The following MTHFD1L variants were observed in gnomAD, a reference collection of about 807,000 sequenced individuals.
MTHFD1L encodes the protein methylenetetrahydrofolate dehydrogenase (NADP+ dependent) 1 like, also known as monofunctional C1-tetrahydrofolate synthase, mitochondrial.
MTHFD1L carries 81 observed loss-of-function variants against 119.5 expected under a neutral mutation model. The ratio of observed to expected loss-of-function variants is 0.68; its 90% CI spans 0.57 to 0.82. The LOEUF (loss-of-function observed/expected upper bound fraction) is 0.82, where lower values mean the gene tolerates loss of function less well. Ranked by LOEUF, MTHFD1L falls within the 40% of genes least tolerant of loss-of-function variation. MTHFD1L has a pLI of 0.00. For missense variants in MTHFD1L, 1,125 were observed against 1,253.4 expected (o/e 0.90, Z 1.55); for synonymous variants, 430 against 475.2 (o/e 0.90, Z 1.24).
At chr6:150,870,091 A>G (rs749442271) in intron 1 of MTHFD1L, among the ~76,000 whole-genome samples, 10 of 152,228 alleles carry the variant, frequency 6.6e-5, no homozygotes, top group Non-Finnish European at 1.5e-4. Flanking sequence ...ATTCTGTATA[A>G]TAGTCACAGT....
Position 150,866,039 on chromosome 6 carries a change from T to C in MTHFD1L, c.217T>C (p.Ser73Pro), listed in dbSNP as rs1449129324. ...CGGCCGAACGCCCGCGGCGCGGGAC[T>C]CCATCGTCAGGTGAGTGTCGGGTCT... Reference protein sequence around the residue: ...PGGRTPAARDSIVREVIQNSK... With the variant: ...PGGRTPAARDPIVREVIQNSK... Residue 73 changes from serine to proline, a missense_variant, in exon 1 of 28, where the codon TCC becomes CCC. This residue lies in a region of MTHFD1L where 1,058 missense variants were observed against 1,151.2 expected (regional missense o/e 0.92). Transcript: ENST00000367321. The C allele has an allele frequency of 6.9e-7, 1 of 1,455,646 alleles. No homozygotes were observed. The highest frequency in any genetic ancestry group is 9.0e-7 in the Non-Finnish European group (1 of 1,111,152). 90.2% of individuals were successfully genotyped at this position (1,455,646 alleles called of 1,614,324 possible).
chr6:151,006,230 C>T (rs897644277), intron 20 of MTHFD1L, among the ~76,000 whole-genome samples: 3 of 152,152 alleles, frequency 2.0e-5, no homozygotes, highest in Admixed American at 1.3e-4. Context: ...CCAACTTTGC[C>T]CGAAAGCATC....
intron 26 of MTHFD1L, among the ~76,000 whole-genome samples, chr6:151,071,931 C>T (rs759411686): frequency 4.0e-5 from 6 of 150,360 alleles, no homozygotes; most frequent in Non-Finnish European, 8.8e-5. Context: ...CAACCTCTGC[C>T]TCCTGGGTTC....
At chr6:150,965,623 C>T (rs1032651689) in intron 19 of MTHFD1L, among the ~76,000 whole-genome samples, 8 of 150,710 alleles carry the variant, frequency 5.3e-5, no homozygotes, top group Admixed American at 2.0e-4. Context: ...ATCGCACCAC[C>T]GCACTCCAGC....
Position 150,936,845 on chromosome 6 carries a change from C to T in MTHFD1L, c.1298C>T (p.Thr433Ile), listed in dbSNP as rs1792154875. Reference protein sequence around the residue: ...TPLGEGKSTVTIGLVQALTAH... With the variant: ...TPLGEGKSTVIIGLVQALTAH... ...CTTGGAGAAGGGAAGAGCACAGTCA[C>T]CATCGGGCTTGTGCAGGCTCTGACC... The change falls in exon 12 of 28, where the codon ACC becomes ATC. Residue 433 changes from threonine (T) to isoleucine (I), a missense_variant. Physicochemically the swap from Thr to Ile is moderately conservative, Grantham distance 89. This residue lies in a region of MTHFD1L where 1,058 missense variants were observed against 1,151.2 expected (regional missense o/e 0.92). Coordinates refer to ENST00000367321, the MANE Select transcript of MTHFD1L (RefSeq NM_015440.5). 6.2e-7 allele frequency: 1 copy of T among 1,613,992 alleles called. No homozygotes were observed. The highest frequency in any genetic ancestry group is 1.1e-5 in the South Asian group (1 of 91,076).
chr6:150,999,936 C>T (rs1780370463), intron 20 of MTHFD1L, among the ~76,000 whole-genome samples: 1 of 152,198 alleles, frequency 6.6e-6, no homozygotes, highest in Non-Finnish European at 1.5e-5. Flanking sequence ...CAAATACGTC[C>T]CCAGTAACTT....
At chr6:150,934,808 G>A (rs547347456) in intron 11 of MTHFD1L, among the ~76,000 whole-genome samples, 1 of 152,202 alleles carries the variant, frequency 6.6e-6, no homozygotes, top group Non-Finnish European at 1.5e-5. Flanking sequence ...CTGGAAGGAC[G>A]TGGGGTGCTT....
At chr6:150,945,391 T>C in intron 14 of MTHFD1L, 76 bp from the exon 15 acceptor site, 1 of 1,159,230 alleles carries the variant, frequency 8.6e-7, no homozygotes, top group Non-Finnish European at 1.3e-6. Context: ...AATGAATTTT[T>C]GTCATATCCT....
At chr6:151,054,701 T>C (rs1207606705) in intron 26 of MTHFD1L, among the ~76,000 whole-genome samples, 1 of 152,064 alleles carries the variant, frequency 6.6e-6, no homozygotes, top group African/African-American at 2.4e-5. Context: ...ATCAGTTCTT[T>C]CCCCCTAAAT....
rs769158035 is a variant in MTHFD1L at position 151,014,885 on chromosome 6, C to T, written c.2313C>T (p.Ile771=). The T allele has an allele frequency of 3.7e-6, 6 of 1,613,824 alleles. No homozygotes were observed. The highest frequency in any genetic ancestry group is 5.1e-6 in the Non-Finnish European group (6 of 1,179,932). ...PLKKEYTEEN[I]QLVADGCCNL... ...TGCTTTTTTCTTTTTTACAGAACAT[C>T]CAGCTGGTGGCAGACGGCTGCTGTA... Residue 771 remains isoleucine (I), a synonymous_variant, in exon 23 of 28, where the codon ATC becomes ATT. Coordinates refer to ENST00000367321, the MANE Select transcript of MTHFD1L (RefSeq NM_015440.5).
intron 4 of MTHFD1L, among the ~76,000 whole-genome samples, chr6:150,880,314 G>A (rs915606372): frequency 1.3e-5 from 2 of 152,020 alleles, no homozygotes; most frequent in African/African-American, 2.4e-5. Context: ...ATTTCTATGA[G>A]ATCAGCTTTC....
intron 7 of MTHFD1L, among the ~76,000 whole-genome samples, chr6:150,889,274 T>C (rs1458696393): frequency 6.6e-6 from 1 of 152,056 alleles, no homozygotes; most frequent in East Asian, 1.9e-4. Flanking sequence ...CCACTACATA[T>C]AAAAATCACT....
chr6:150,895,153 T>C (rs1784011940), intron 7 of MTHFD1L, among the ~76,000 whole-genome samples: 1 of 152,230 alleles, frequency 6.6e-6, no homozygotes, highest in South Asian at 2.1e-4. Flanking sequence ...TCCTGGGCCC[T>C]GCAGGGGAAT....
At chr6:150,977,829 A>G (rs950980748) in intron 20 of MTHFD1L, among the ~76,000 whole-genome samples, 2 of 151,906 alleles carry the variant, frequency 1.3e-5, no homozygotes, top group African/African-American at 4.8e-5. Context: ...GGACTCCTGG[A>G]TAGACTTCGA....
chr6:150,910,804 C>G (rs113264337), intron 8 of MTHFD1L, among the ~76,000 whole-genome samples: 8 of 152,184 alleles, frequency 5.3e-5, no homozygotes, highest in African/African-American at 1.9e-4. Context: ...CACCTGCACA[C>G]AAAACAGCTT....
At position 151,003,363 on chromosome 6, in the gene MTHFD1L, C is replaced by G. The variant is rs1427483590; in HGVS notation, c.2126-6456C>G. ...CCCGACCAACATGGTGAAACCCTGA[C>G]TCTACAAAAAATACAAAAATTAGCC... On this transcript the variant is annotated intron_variant, in intron 20 of 27. Coordinates refer to ENST00000367321, the MANE Select transcript of MTHFD1L (RefSeq NM_015440.5). Among the ~76,000 whole-genome samples, 3 of 152,148 alleles carry G rather than the reference C, an allele frequency of 2.0e-5. No individual in the cohort carries two copies. In the East Asian group the frequency reaches 5.8e-4, roughly 29 times the overall value.
At chr6:150,892,126 T>A (rs928537511) in intron 7 of MTHFD1L, among the ~76,000 whole-genome samples, 1 of 152,150 alleles carries the variant, frequency 6.6e-6, no homozygotes, top group African/African-American at 2.4e-5. Context: ...AGGGCAATAG[T>A]TTGCACTTGA....
At chr6:150,871,761 CA>C (rs2128726169) in intron 1 of MTHFD1L, among the ~76,000 whole-genome samples, 1 of 151,764 alleles carries the variant, frequency 6.6e-6, no homozygotes, top group South Asian at 2.1e-4. Context: ...TTCGGCCTCC[CA>C]AACTGCTGGG....
chr6:151,082,579 T>C (rs1258162683), intron 26 of MTHFD1L, among the ~76,000 whole-genome samples: 1 of 141,016 alleles, frequency 7.1e-6, no homozygotes, highest in East Asian at 1.9e-4. Context: ...ATATAGAAGA[T>C]TTTTTTTTTG....
Sources: gnomAD v4.1 joint callset for allele counts (sites outside exome capture counted in the v4.1 genomes callset) on GRCh38, gnomAD v4.1.1 for gene constraint, gnomAD v4.1.1 regional missense constraint, MANE v1.5 for transcripts, NCBI Gene and HGNC (gene_info 2026-07-23, HGNC 2026-07-21) for gene names.